Variants in DHX30 observed in about 807,000 individuals in gnomAD.
The protein encoded by DHX30 is ATP-dependent RNA helicase DHX30.
A neutral mutation model predicts 116.9 loss-of-function variants in DHX30; 4 were observed. The observed-to-expected ratio is 0.03, with a 90% CI of 0.02 to 0.08. DHX30 has a LOEUF of 0.08. Among genes scored for constraint, DHX30 ranks in the 10% least tolerant of loss-of-function variants. The pLI, the probability that DHX30 is intolerant of heterozygous loss-of-function variation, is 1.00. For synonymous variants in DHX30, 697 were observed against 651.7 expected (o/e 1.07, Z -1.06); for missense variants, 871 against 1,595.1 (o/e 0.55, Z 7.73).
At chr3:47,815,939 CTTTTTTT>C in intron 3 of DHX30, 20 of 878,030 alleles carry the variant, frequency 2.3e-5, no homozygotes, top group Non-Finnish European at 2.7e-5. Flanking sequence ...ATCATTTATT[CTTTTTTT>C]TTTTTTTTCA....
At chr3:47,827,318 C>G in intron 4 of DHX30, 29 bp from the exon 5 acceptor site, 4 of 1,588,636 alleles carry the variant, frequency 2.5e-6, no homozygotes, top group Non-Finnish European at 3.4e-6. Context: ...AAAAGAACAA[C>G]TGTAATGCTT....
chr3:47,847,413 C>T lies in DHX30; in HGVS notation c.2006-19C>T. 1 of 1,613,858 alleles carries T rather than the reference C, an allele frequency of 6.2e-7. No individual in the cohort carries two copies. ...CGTTTGCAGCAACAGCTGGCTCATG[C>T]CCCAGGGCTCCTTTACAGGTGGGAT... is the stretch of plus-strand genomic sequence containing the variant. On this transcript the variant is annotated intron_variant, in intron 12 of 21. Transcript: ENST00000445061. The surrounding 1 kb of genome is among the most constrained non-coding windows in gnomAD (Gnocchi z 5.5).
chr3:47,842,971 C>T, intron 8 of DHX30, 135 bp from the exon 9 acceptor site: 2 of 1,141,454 alleles, frequency 1.8e-6, no homozygotes, highest in Non-Finnish European at 2.5e-6. Flanking sequence ...AGCAGCACCT[C>T]TAGCATGGCT....
At position 47,848,099 on chromosome 3, in the gene DHX30, G is replaced by C; in HGVS notation, c.2287-81G>C. ...GGGGTCTCAGTGTTCCTGATGTAGGGGGCTGGTGAGGGTTACTCAGGGAGT... is the reference window on the plus strand; with the variant it reads ...GGGGTCTCAGTGTTCCTGATGTAGGCGGCTGGTGAGGGTTACTCAGGGAGT... On this transcript the variant is annotated intron_variant, in intron 14 of 21. Coordinates refer to ENST00000445061, the MANE Select transcript of DHX30 (RefSeq NM_138615.3). The surrounding 1 kb of genome is among the most constrained non-coding windows in gnomAD (Gnocchi z 9.4). 1 of 1,589,550 alleles carries C rather than the reference G, an allele frequency of 6.3e-7. No individual in the cohort carries two copies. Among genetic ancestry groups the C allele is most frequent in the Middle Eastern group, 1.7e-4 (1 of 5,746 alleles).
intron 3 of DHX30, among the ~76,000 whole-genome samples, chr3:47,813,759 A>G (rs1389507598): frequency 1.3e-5 from 2 of 152,092 alleles, no homozygotes; most frequent in African/African-American, 2.4e-5. Flanking sequence ...TGTGTAACCC[A>G]TTGAATGGGG....
intron 3 of DHX30, among the ~76,000 whole-genome samples, chr3:47,811,818 C>A (rs1313160551): frequency 6.6e-6 from 1 of 151,366 alleles, no homozygotes; most frequent in Non-Finnish European, 1.5e-5. Flanking sequence ...AATCCCAGCA[C>A]TTTGGGAGGC....
intron 6 of DHX30, among the ~76,000 whole-genome samples, chr3:47,840,226 T>C (rs886260170): frequency 2.7e-5 from 4 of 150,604 alleles, no homozygotes; most frequent in Admixed American, 2.6e-4. Flanking sequence ...CTCGATCTCC[T>C]GACGTCATGA....
chr3:47,819,334 C>A, intron 4 of DHX30: 1 of 1,328,034 alleles, frequency 7.5e-7, no homozygotes, highest in Non-Finnish European at 1.0e-6. Context: ...GTTAACCAGG[C>A]AGTTGGCTAG....
chr3:47,803,792 A>T (rs1020318773), intron 1 of DHX30, among the ~76,000 whole-genome samples: 5 of 152,180 alleles, frequency 3.3e-5, no homozygotes, highest in African/African-American at 9.7e-5. Context: ...GACCAAATGC[A>T]TGTTGGGTCC....
rs752459812 is a variant in DHX30, at chr3:47,818,092, T to C, written c.99T>C (p.Pro33=). 2.6e-6 allele frequency: 2 copies of C among 780,912 alleles called. No individual in the cohort carries two copies. Among genetic ancestry groups the C allele is most frequent in the Admixed American group, 3.4e-5 (2 of 59,018 alleles). The allele number at this position is 780,912 out of a possible 1,614,324, so 48.4% of individuals were successfully genotyped here. A position where few individuals can be genotyped will look rare whatever the true frequency, so the allele number is the denominator to read the frequency against. Residue 33 remains proline (P), a synonymous_variant, in exon 4 of 22, where the codon CCT becomes CCC. Coordinates refer to ENST00000445061, the MANE Select transcript of DHX30 (RefSeq NM_138615.3). ...GCCTTCCACCCATGTGTGTCAACCC[T>C]ACCCCAGGAGGGACCATCTCTCGAG... ...PPRLPPMCVN[P]TPGGTISRAS... is the part of the protein sequence containing the mutation.
intron 1 of DHX30, among the ~76,000 whole-genome samples, chr3:47,803,724 C>T (rs1040826128): frequency 6.6e-6 from 1 of 152,196 alleles, no homozygotes; most frequent in Non-Finnish European, 1.5e-5. Flanking sequence ...CTGGGGGAGG[C>T]CAAGGGGTGA....
At chr3:47,821,468 C>T (rs556963531) in intron 4 of DHX30, among the ~76,000 whole-genome samples, 1 of 152,024 alleles carries the variant, frequency 6.6e-6, no homozygotes, top group Non-Finnish European at 1.5e-5. Context: ...GGGGTTTCTC[C>T]ATGTTGGTCA....
intron 1 of DHX30, 127 bp downstream of exon 1, chr3:47,803,339 G>A (rs1033001807): frequency 1.1e-4 from 43 of 378,580 alleles, no homozygotes; most frequent in South Asian, 2.8e-4. Flanking sequence ...CGGAGACGCC[G>A]GCGGGCCCGA....
At position 47,848,800 on chromosome 3, in the gene DHX30, C is replaced by A. The variant is rs2107149103; in HGVS notation, c.2752C>A (p.Arg918=). 6.2e-7 allele frequency: 1 copy of A among 1,612,326 alleles called. No individual in the cohort carries two copies. The highest frequency in any genetic ancestry group is 8.5e-7 in the Non-Finnish European group (1 of 1,178,492). Residue 918 remains arginine (R), a synonymous_variant, in exon 17 of 22, where the codon CGG becomes AGG. Coordinates refer to ENST00000445061, the MANE Select transcript of DHX30 (RefSeq NM_138615.3). The surrounding 1 kb of genome is among the most constrained non-coding windows in gnomAD (Gnocchi z 9.4). The stretch of plus-strand genomic sequence containing the variant: ...CCCCTTCAGCAGCAGCCTACAGAAC[C>A]GGGCAGAGGTGGACAAGGTCAGTCC... ...RDPFSSSLQN[R]AEVDKVKALL...
Position 47,846,968 on chromosome 3 carries a change from G to A in DHX30, c.1896G>A (p.Lys632=), listed in dbSNP as rs766914687. ...AGGACATCCTGGCCAAGTTGGGCAAGCACCAGTACCTGCACCGGCACCGGC... is the reference window on the plus strand; with the variant it reads ...AGGACATCCTGGCCAAGTTGGGCAAACACCAGTACCTGCACCGGCACCGGC... ...YLEDILAKLG[K]HQYLHRHRHH... Residue 632 remains lysine (K), a synonymous_variant, in exon 11 of 22, where the codon AAG becomes AAA. Transcript: ENST00000445061. The A allele has an allele frequency of 6.2e-7, 1 of 1,613,286 alleles. No individual in the cohort carries two copies. Among genetic ancestry groups the A allele is most frequent in the Non-Finnish European group, 8.5e-7 (1 of 1,179,898 alleles).
At chr3:47,829,467 C>T (rs1389940688) in intron 6 of DHX30, among the ~76,000 whole-genome samples, 1 of 151,304 alleles carries the variant, frequency 6.6e-6, no homozygotes, top group African/African-American at 2.4e-5. Flanking sequence ...CCTTAGCCTC[C>T]CAAGTAGCTG....
In DHX30 at chr3:47,846,890, C is replaced by T. The variant is rs2037633140; in HGVS notation, c.1818C>T (p.Cys606=). Residue 606 remains cysteine (C), a synonymous_variant, in exon 11 of 22, where the codon TGC becomes TGT. Coordinates refer to ENST00000445061, the MANE Select transcript of DHX30 (RefSeq NM_138615.3). Reference sequence around the variant, plus strand: ...GCTTCTCCCGATACTTTGGTGGCTGCCCCGTCATCAAGGTGCCTGGCTTCA... The same window carrying T: ...GCTTCTCCCGATACTTTGGTGGCTGTCCCGTCATCAAGGTGCCTGGCTTCA... ...NERFSRYFGG[C]PVIKVPGFMY... 2 of 1,613,120 alleles carry T rather than the reference C, an allele frequency of 1.2e-6. No homozygotes were observed. The highest frequency in any genetic ancestry group is 2.2e-5 in the East Asian group (1 of 44,868).
Position 47,848,933 on chromosome 3 carries a change from T to C in DHX30, c.2783T>C (p.Leu928Ser), listed in dbSNP as rs1559725269. 1.2e-6 allele frequency: 2 copies of C among 1,608,364 alleles called. No homozygotes were observed. Among genetic ancestry groups the C allele is most frequent in the African/African-American group, 1.3e-5 (1 of 74,972 alleles). Residue 928 changes from leucine (L) to serine (S), a missense_variant, in exon 18 of 22, where the codon TTG becomes TCG. Physicochemically the swap from Leu to Ser is moderately radical, Grantham distance 145. This residue lies in a region of DHX30 where 238 missense variants were observed against 481.0 expected (regional missense o/e 0.49). Transcript: ENST00000445061. This position sits in a 1 kb window ranked among gnomAD's most constrained non-coding sequence, Gnocchi z 9.4. ...CTCCCCTCCCAGGTGAAAGCACTGT[T>C]GAGCCATGACAGCGGCAGTGACCAC... ...RAEVDKVKAL[L>S]SHDSGSDHLA...
chr3:47,838,314 A>G (rs2037216108), intron 6 of DHX30, among the ~76,000 whole-genome samples: 1 of 152,140 alleles, frequency 6.6e-6, no homozygotes, highest in Admixed American at 6.6e-5. Context: ...GCCTCTGCAG[A>G]CTTTGATTGG....
Sources: gnomAD v4.1 joint callset for allele counts (sites outside exome capture counted in the v4.1 genomes callset) on GRCh38, gnomAD v4.1.1 for gene constraint, gnomAD v4.1.1 regional missense constraint, Gnocchi (gnomAD v3.1) non-coding constraint, MANE v1.5 for transcripts, NCBI Gene and HGNC (gene_info 2026-07-23, HGNC 2026-07-21) for gene names.